Variants in EIF2A observed in about 807,000 individuals in gnomAD.
EIF2A encodes the protein 65 kDa eukaryotic translation initiation factor 2A.
A neutral mutation model predicts 75.2 loss-of-function variants in EIF2A; 62 were observed. That is an observed-to-expected ratio of 0.82 (90% CI 0.67 to 1.02). The LOEUF is 1.02. Ranked by LOEUF, EIF2A falls within the 50% of genes least tolerant of loss-of-function variation. The pLI, the probability that EIF2A is intolerant of heterozygous loss-of-function variation, is 0.00. For synonymous variants in EIF2A, 207 were observed against 239.0 expected (o/e 0.87, Z 1.23); for missense variants, 611 against 677.7 (o/e 0.90, Z 1.09).
Position 150,572,125 on chromosome 3 carries a change from C to T in EIF2A, c.979C>T (p.His327Tyr). ...RNAAYYSPHG[H>Y]ILVLAGFGNL... Reference sequence around the variant, plus strand: ...TGCAGCCTACTATAGCCCTCATGGACATATATTAGTATTAGCTGGATTTGG... The same window carrying T: ...TGCAGCCTACTATAGCCCTCATGGATATATATTAGTATTAGCTGGATTTGG... The change falls in exon 10 of 14, where the codon CAT becomes TAT. Residue 327 changes from histidine to tyrosine, a missense_variant. His to Tyr is a moderately conservative substitution (Grantham distance 83). Coordinates refer to ENST00000460851, the MANE Select transcript of EIF2A (RefSeq NM_032025.5). 1 of 1,613,914 alleles carries T rather than the reference C, an allele frequency of 6.2e-7. No homozygotes were observed. The highest frequency in any genetic ancestry group is 8.5e-7 in the Non-Finnish European group (1 of 1,179,882).
intron 9 of EIF2A, among the ~76,000 whole-genome samples, chr3:150,568,788 A>G (rs950402666): frequency 5.3e-5 from 8 of 152,124 alleles, no homozygotes; most frequent in Admixed American, 1.3e-4. Context: ...ATGGTGGCGT[A>G]TGCCTGTAGT....
At chr3:150,561,970 G>C (rs1723892373) in intron 3 of EIF2A, among the ~76,000 whole-genome samples, 1 of 151,802 alleles carries the variant, frequency 6.6e-6, no homozygotes, top group Non-Finnish European at 1.5e-5. Context: ...TGTTGGCCAG[G>C]CTGGTCTCGA....
In EIF2A at chr3:150,576,382, C is replaced by T. The variant is rs1430410620; in HGVS notation, c.1497+620C>T. ...CTTGGGAGGTTGAGGCTGCAGTGAGCTGTGATTGTACCACTTCAGCCTGAG... is the reference window on the plus strand; with the variant it reads ...CTTGGGAGGTTGAGGCTGCAGTGAGTTGTGATTGTACCACTTCAGCCTGAG... On this transcript the variant is annotated intron_variant, in intron 11 of 13. Transcript: ENST00000460851. Among the ~76,000 whole-genome samples, 4 of 151,886 alleles carry T rather than the reference C, an allele frequency of 2.6e-5. 1 individual carries two copies. The East Asian group carries it at 7.7e-4, about 29-fold the overall frequency.
At position 150,568,259 on chromosome 3, in the gene EIF2A, G is replaced by T. The variant is rs777907343; in HGVS notation, c.778G>T (p.Ala260Ser). 84 of 1,613,142 alleles carry T rather than the reference G, an allele frequency of 5.2e-5. No individual in the cohort carries two copies. In the East Asian group the frequency reaches 1.9e-3, roughly 36 times the overall value. The change falls in exon 9 of 14, where the codon GCA becomes TCA. Residue 260 changes from alanine to serine, a missense_variant. Transcript: ENST00000460851. ...TGGAGAACAAACTCTACACTACATT[G>T]CAACAAATGGAGAAAGTGCTGTAGT... ...YYGEQTLHYI[A>S]TNGESAVVQL...
chr3:150,568,733 T>C, intron 9 of EIF2A, among the ~76,000 whole-genome samples: 1 of 152,112 alleles, frequency 6.6e-6, no homozygotes, highest in Non-Finnish European at 1.5e-5. Context: ...CTGATCAACA[T>C]AGTGAGACCC....
intron 1 of EIF2A, among the ~76,000 whole-genome samples, chr3:150,549,222 CTTTT>C (rs11341363): frequency 7.3e-6 from 1 of 136,488 alleles, no homozygotes; most frequent in Non-Finnish European, 1.6e-5. Context: ...TTCTTTCTTT[CTTTT>C]TTTTTTTTTT....
At position 150,572,883 on chromosome 3, in the gene EIF2A, CTT is replaced by C. The variant is rs1369488077; in HGVS notation, c.1383+355_1383+356del. 6.0e-5 allele frequency among the ~76,000 whole-genome samples: 9 copies of C among 149,958 alleles called. No homozygotes were observed. In the South Asian group the frequency reaches 1.5e-3, roughly 24 times the overall value. On this transcript the variant is annotated intron_variant, in intron 10 of 13. Transcript: ENST00000460851. ...AAAAAAAAAAAAAAACAACCTTTCT[CTT>C]GGACTAAACAAAACGTATGACTGGT...
At chr3:150,582,224 C>T (rs1351705855) in intron 12 of EIF2A, among the ~76,000 whole-genome samples, 3 of 151,756 alleles carry the variant, frequency 2.0e-5, no homozygotes, top group African/African-American at 7.3e-5. Flanking sequence ...TGGTCTCAAA[C>T]TCCTGCCCTC....
chr3:150,579,890 T>TTA (rs140026582), intron 11 of EIF2A, among the ~76,000 whole-genome samples: 16,829 of 151,896 alleles, frequency 0.11, 1,193 homozygotes, highest in Non-Finnish European at 0.16. Flanking sequence ...ACCTGGAGCA[T>TTA]TATATATATA....
In EIF2A at chr3:150,558,308, A is replaced by C. The variant is rs180766420; in HGVS notation, c.99-80A>C. 4.7e-5 allele frequency: 59 copies of C among 1,242,280 alleles called. No individual in the cohort carries two copies. The East Asian group carries it at 1.7e-3, about 35-fold the overall frequency. The allele number at this position is 1,242,280 out of a possible 1,614,324, so 77.0% of individuals were successfully genotyped here. ...TTCTTAGTTATTAAATTGATAGTGA[A>C]ATGGTTGACTTTATAATCAGATTTT... On this transcript the variant is annotated intron_variant, in intron 2 of 13. Coordinates refer to ENST00000460851, the MANE Select transcript of EIF2A (RefSeq NM_032025.5).
chr3:150,564,242 T>G, intron 5 of EIF2A, 57 bp from the exon 6 acceptor site: 1 of 1,291,968 alleles, frequency 7.7e-7, no homozygotes, highest in South Asian at 1.5e-5. Flanking sequence ...CATGTTAATG[T>G]GATGTTACAT....
intron 10 of EIF2A, among the ~76,000 whole-genome samples, chr3:150,574,432 C>T (rs114581952): frequency 0.051 from 7,688 of 152,090 alleles, 253 homozygotes; most frequent in Non-Finnish European, 0.069. Context: ...AGAAACTTTT[C>T]GGCCAAAGTA....
rs1221739611 is a variant in EIF2A, at chr3:150,552,569, A to G, written c.98+144A>G. The G allele has an allele frequency of 4.7e-6, 3 of 631,934 alleles. No homozygotes were observed. The East Asian group carries it at 8.9e-5, about 19-fold the overall frequency. 39.1% of individuals were successfully genotyped at this position (631,934 alleles called of 1,614,324 possible). A position where few individuals can be genotyped will look rare whatever the true frequency, so the allele number is the denominator to read the frequency against. ...ATAATATTTACCGAAGATGAAAAGA[A>G]TACATATTCTCTATCAAGGAAAATG... is the stretch of plus-strand genomic sequence containing the variant. On this transcript the variant is annotated intron_variant, in intron 2 of 13. Transcript: ENST00000460851.
intron 9 of EIF2A, among the ~76,000 whole-genome samples, chr3:150,568,679 T>G (rs547620085): frequency 6.6e-6 from 1 of 152,036 alleles, no homozygotes; most frequent in East Asian, 1.9e-4. Context: ...ATTTTGGGAG[T>G]CTGAGATGGG....
intron 1 of EIF2A, among the ~76,000 whole-genome samples, chr3:150,549,629 C>T (rs1223053028): frequency 6.6e-6 from 1 of 152,116 alleles, no homozygotes; most frequent in Admixed American, 6.5e-5. Context: ...ACATTTTTGC[C>T]AGTAGTCTCA....
intron 1 of EIF2A, among the ~76,000 whole-genome samples, chr3:150,549,950 T>C (rs1245046535): frequency 6.6e-6 from 1 of 152,202 alleles, no homozygotes; most frequent in Non-Finnish European, 1.5e-5. Context: ...TATCGTATTT[T>C]AAAGATGACT....
chr3:150,568,238 G>A lies in EIF2A; in HGVS notation c.757G>A (p.Glu253Lys), dbSNP rs1305740468. Reference sequence around the variant, plus strand: ...CAAGACAGGAGCTTCCTACTATGGAGAACAAACTCTACACTACATTGCAAC... The same window carrying A: ...CAAGACAGGAGCTTCCTACTATGGAAAACAAACTCTACACTACATTGCAAC... ...VDKTGASYYG[E>K]QTLHYIATNG... The change falls in exon 9 of 14, where the codon GAA becomes AAA. Residue 253 changes from glutamate (E) to lysine (K), a missense_variant. Coordinates refer to ENST00000460851, the MANE Select transcript of EIF2A (RefSeq NM_032025.5). 10 of 1,613,732 alleles carry A rather than the reference G, an allele frequency of 6.2e-6. No individual in the cohort carries two copies. Among genetic ancestry groups the A allele is most frequent in the Non-Finnish European group, 8.5e-6 (10 of 1,179,778 alleles).
At chr3:150,572,911 C>CT (rs1481921083) in intron 10 of EIF2A, among the ~76,000 whole-genome samples, 2 of 150,924 alleles carry the variant, frequency 1.3e-5, no homozygotes, top group East Asian at 3.9e-4. Flanking sequence ...TATGACTGGT[C>CT]TGAAACTTCT....
chr3:150,561,569 C>G (rs573917933), intron 3 of EIF2A, among the ~76,000 whole-genome samples: 62 of 152,172 alleles, frequency 4.1e-4, no homozygotes, highest in African/African-American at 1.5e-3. Context: ...CAGAGTGAGA[C>G]TCCATCTCAA....
Sources: allele counts gnomAD v4.1 joint callset (sites outside exome capture counted in the v4.1 genomes callset), GRCh38; gene constraint gnomAD v4.1.1; transcripts MANE v1.5; gene names NCBI Gene and HGNC (gene_info 2026-07-23, HGNC 2026-07-21).